The following CSPP1 variants were observed in gnomAD, a reference collection of about 807,000 sequenced individuals.
CSPP1 encodes centrosome and spindle pole associated protein 1.
Under a neutral mutation model 164.4 loss-of-function variants are expected in CSPP1, and 126 were observed. That is an observed-to-expected ratio of 0.77 (90% CI 0.66 to 0.89). The LOEUF (loss-of-function observed/expected upper bound fraction) is 0.89, where lower values mean the gene tolerates loss of function less well. Ranked by LOEUF, CSPP1 falls within the 40% of genes least tolerant of loss-of-function variation. The pLI, the probability that CSPP1 is intolerant of heterozygous loss-of-function variation, is 0.00. For missense variants in CSPP1, 1,395 were observed against 1,449.8 expected (o/e 0.96, Z 0.61); for synonymous variants, 472 against 476.7 (o/e 0.99, Z 0.13).
chr8:67,134,551 C>CTTTTTTT (rs35436646), intron 16 of CSPP1: 1 of 104,722 alleles, frequency 9.5e-6, no homozygotes, highest in African/African-American at 4.1e-5. Context: ...TTAGCATCAT[C>CTTTTTTT]TTTTTTTTTT....
At chr8:67,086,810 C>G (rs368547795) in intron 4 of CSPP1, 1 of 1,351,644 alleles carries the variant, frequency 7.4e-7, no homozygotes, top group Non-Finnish European at 9.9e-7. Context: ...TGGTTTGTTT[C>G]CCTTGACTTT....
chr8:67,074,137 A>G lies in CSPP1; in HGVS notation c.-10-106A>G, dbSNP rs538494320. ...ATCAATCTTAAGTTTGAATTTCTCA[A>G]TTTGATAAGTGAGATTGAAAACTAA... On this transcript the variant is annotated intron_variant, in intron 1 of 30. Coordinates refer to ENST00000678616, the MANE Select transcript of CSPP1 (RefSeq NM_001382391.1). 7.4e-5 allele frequency: 47 copies of G among 631,274 alleles called. 1 individual carries two copies. The South Asian group carries it at 9.1e-4, about 12-fold the overall frequency. 39.1% of individuals were successfully genotyped at this position (631,274 alleles called of 1,614,324 possible).
At chr8:67,128,579 A>G (rs1229910824) in intron 15 of CSPP1, among the ~76,000 whole-genome samples, 1 of 151,920 alleles carries the variant, frequency 6.6e-6, no homozygotes, top group Non-Finnish European at 1.5e-5. Context: ...GTTCAGTCTT[A>G]AACAGGCTAA....
At chr8:67,125,150 C>T (rs947835607) in intron 15 of CSPP1, among the ~76,000 whole-genome samples, 2 of 152,112 alleles carry the variant, frequency 1.3e-5, no homozygotes, top group East Asian at 3.9e-4. Context: ...TTCAGTGTTT[C>T]TTACAGAACA....
At chr8:67,137,262 G>C (rs553641025) in intron 16 of CSPP1, among the ~76,000 whole-genome samples, 194 bp from the exon 17 acceptor site, 2 of 151,760 alleles carry the variant, frequency 1.3e-5, no homozygotes, top group South Asian at 4.2e-4. Context: ...CACGACACCT[G>C]ACCTAAAGTA....
intron 2 of CSPP1, 27 bp downstream of exon 2, chr8:67,074,378 T>C: frequency 7.2e-7 from 1 of 1,382,242 alleles, no homozygotes. Context: ...TCTTTGAACA[T>C]GTTTTATTAT....
chr8:67,170,827 C>T (rs987344714), intron 24 of CSPP1, among the ~76,000 whole-genome samples: 3 of 151,998 alleles, frequency 2.0e-5, no homozygotes, highest in Non-Finnish European at 4.4e-5. Flanking sequence ...TGCTCTGTCA[C>T]CCAGGCTGGA....
intron 26 of CSPP1, among the ~76,000 whole-genome samples, chr8:67,176,440 A>T (rs755008737): frequency 3.3e-5 from 5 of 152,176 alleles, no homozygotes; most frequent in Non-Finnish European, 7.3e-5. Flanking sequence ...AAACATTTGT[A>T]TAGGGATTGT....
chr8:67,130,361 G>T (rs1168951158), intron 15 of CSPP1, among the ~76,000 whole-genome samples: 1 of 152,194 alleles, frequency 6.6e-6, no homozygotes, highest in Non-Finnish European at 1.5e-5. Context: ...GAGGGATCAT[G>T]AGTGAAATAG....
chr8:67,196,053 AT>A lies in CSPP1; in HGVS notation c.*462del, dbSNP rs1837879406. ...TGTGATGCAATCAAATGTCCTATTA[AT>A]TAATTATTATTTCATGTCATTTGTA... On this transcript the variant is annotated 3_prime_UTR_variant, in exon 31 of 31. Coordinates refer to ENST00000678616, the MANE Select transcript of CSPP1 (RefSeq NM_001382391.1). The A allele has an allele frequency of 7.8e-6, 1 of 127,764 alleles. No homozygotes were observed. Among genetic ancestry groups the A allele is most frequent in the African/African-American group, 4.5e-5 (1 of 22,002 alleles). 7.9% of individuals were successfully genotyped at this position (127,764 alleles called of 1,614,324 possible).
In CSPP1 at chr8:67,149,899, G is replaced by A; in HGVS notation, c.2092G>A (p.Ala698Thr). 2 of 1,591,672 alleles carry A rather than the reference G, an allele frequency of 1.3e-6. No homozygotes were observed. Residue 698 changes from alanine (A) to threonine (T), a missense_variant, in exon 18 of 31, where the codon GCT becomes ACT. Physicochemically the swap from Ala to Thr is moderately conservative, Grantham distance 58. Transcript: ENST00000678616. ...SLDPNLATSNAENLEDAANKS... is the reference protein window; with the variant it reads ...SLDPNLATSNTENLEDAANKS... ...AGACCCAAATTTAGCCACTTCAAATGCTGAGAACCTAGAAGATGCTGCAAA... is the reference window on the plus strand; with the variant it reads ...AGACCCAAATTTAGCCACTTCAAATACTGAGAACCTAGAAGATGCTGCAAA...
chr8:67,187,929 T>C (rs974642156), intron 28 of CSPP1, among the ~76,000 whole-genome samples: 3 of 152,194 alleles, frequency 2.0e-5, no homozygotes, highest in African/African-American at 7.2e-5. Flanking sequence ...GTAAAACTCA[T>C]AGATGATAAC....
intron 29 of CSPP1, among the ~76,000 whole-genome samples, chr8:67,191,421 C>CA (rs1456942298): frequency 1.3e-5 from 2 of 152,238 alleles, no homozygotes; most frequent in East Asian, 3.8e-4. Flanking sequence ...ATTATATGTA[C>CA]AGCATTACCA....
At chr8:67,138,673 A>G (rs1226255165) in intron 17 of CSPP1, among the ~76,000 whole-genome samples, 1 of 152,140 alleles carries the variant, frequency 6.6e-6, no homozygotes, top group African/African-American at 2.4e-5. Flanking sequence ...TGAGTGATAG[A>G]ATCGGAAGAT....
At chr8:67,069,971 C>T (rs900833389) in intron 1 of CSPP1, among the ~76,000 whole-genome samples, 3 of 151,942 alleles carry the variant, frequency 2.0e-5, no homozygotes, top group African/African-American at 7.2e-5. Flanking sequence ...AGATAAATGA[C>T]ATTTCTGTTT....
chr8:67,182,641 C>A (rs933901897), intron 28 of CSPP1, among the ~76,000 whole-genome samples: 6 of 152,212 alleles, frequency 3.9e-5, no homozygotes, highest in Non-Finnish European at 5.9e-5. Flanking sequence ...ACATCCTTAA[C>A]ACTTGTTACT....
At chr8:67,162,926 G>A (rs1047130392) in intron 22 of CSPP1, among the ~76,000 whole-genome samples, 5 of 152,200 alleles carry the variant, frequency 3.3e-5, no homozygotes, top group African/African-American at 1.2e-4. Context: ...GACTCGATTT[G>A]TAGTTCTGGA....
chr8:67,074,178 A>T, intron 1 of CSPP1, 65 bp from the exon 2 acceptor site: 1 of 863,122 alleles, frequency 1.2e-6, no homozygotes, highest in Non-Finnish European at 1.9e-6. Flanking sequence ...GACTAAGCCT[A>T]CATGTTGATA....
rs749633996 is a variant in CSPP1 at position 67,175,282 on chromosome 8, AT to A, written c.2969-8del. The stretch of plus-strand genomic sequence containing the variant: ...AACATTTAACTTAGTTATATAACAT[AT>A]TTTTTATACCAGATTCAGAAACACG... On this transcript the variant is annotated splice_polypyrimidine_tract_variant and intron_variant, in intron 25 of 30. Transcript: ENST00000678616. The A allele has an allele frequency of 1.3e-6, 2 of 1,594,028 alleles. No individual in the cohort carries two copies. Among genetic ancestry groups the A allele is most frequent in the South Asian group, 1.1e-5 (1 of 89,476 alleles).
Sources: gnomAD v4.1 joint callset for allele counts (sites outside exome capture counted in the v4.1 genomes callset) on GRCh38, gnomAD v4.1.1 for gene constraint, MANE v1.5 for transcripts, NCBI Gene and HGNC (gene_info 2026-07-23, HGNC 2026-07-21) for gene names.